Variants in NAT16 observed in about 807,000 individuals in gnomAD.
NAT16 encodes the protein probable N-acetyltransferase 16.
Under a neutral mutation model 15.9 loss-of-function variants are expected in NAT16, and 16 were observed. The ratio of observed to expected loss-of-function variants is 1.01; its 90% CI spans 0.68 to 1.53. The LOEUF is 1.53. Among genes scored for constraint, NAT16 ranks in the 40% most tolerant of loss-of-function variants. NAT16 has a pLI of 0.00. For synonymous variants in NAT16, 260 were observed against 241.9 expected, an observed-to-expected ratio of 1.07 and a Z score of -0.69; for missense variants, 572 against 508.4, an observed-to-expected ratio of 1.13 and a Z score of -1.20.
chr7:101,176,465 C>T (rs1164542664), intron 1 of NAT16, among the ~76,000 whole-genome samples: 1 of 148,262 alleles, frequency 6.7e-6, no homozygotes, highest in African/African-American at 2.5e-5. Context: ...TGAGCCACTG[C>T]ACTCCAGCCT....
At chr7:101,173,068 C>T (rs533230842) in intron 3 of NAT16, among the ~76,000 whole-genome samples, 4 of 152,152 alleles carry the variant, frequency 2.6e-5, no homozygotes, top group South Asian at 4.1e-4. Flanking sequence ...GCAGGGTCCC[C>T]GAAGTTGGGA....
Position 101,174,305 on chromosome 7 carries a change from C to G in NAT16, c.312+191G>C, listed in dbSNP as rs1054472004. The stretch of plus-strand genomic sequence containing the variant: ...CTCTGGTTCCTCTGCTTTAGGAGTC[C>G]TCCACCCCACCCTCACTGACATAGC... On this transcript the variant is annotated intron_variant, in intron 2 of 3. Coordinates refer to ENST00000300303, the MANE Select transcript of NAT16 (RefSeq NM_198571.3). The G allele has an allele frequency of 1.8e-5, 13 of 718,182 alleles. No homozygotes were observed. The African/African-American group carries it at 2.1e-4, about 12-fold the overall frequency. The allele number at this position is 718,182 out of a possible 1,614,324, so 44.5% of individuals were successfully genotyped here.
rs756878719 is a variant in NAT16, at chr7:101,173,534, C to A, written c.313-14G>T. The A allele has an allele frequency of 1.3e-6, 2 of 1,560,640 alleles. No individual in the cohort carries two copies. The highest frequency in any genetic ancestry group is 1.2e-5 in the South Asian group (1 of 85,036). The stretch of plus-strand genomic sequence containing the variant: ...CTCCAGCGCGATCTGCGGACCGAGG[C>A]CGTTAGCGCGGGGCCCTCCCCGCCT... On this transcript the variant is annotated splice_polypyrimidine_tract_variant and intron_variant, in intron 2 of 3. Transcript: ENST00000300303.
At position 101,173,427 on chromosome 7, in the gene NAT16, C is replaced by T; in HGVS notation, c.406G>A (p.Ala136Thr). Residue 136 changes from alanine to threonine, a missense_variant, in exon 3 of 4, where the codon GCC (alanine) becomes ACC (threonine). By Grantham distance (58) the Ala-to-Thr change is moderately conservative. Coordinates refer to ENST00000300303, the MANE Select transcript of NAT16 (RefSeq NM_198571.3). Reference protein sequence around the residue: ...VAPWERGKGVAGLLQRFCSQL... With the variant: ...VAPWERGKGVTGLLQRFCSQL... ...GAGCAGAAGCGCTGCAGCAGCCCGG[C>T]CACGCCCTTCCCGCGCTCCCAGGGC... 6.2e-7 allele frequency: 1 copy of T among 1,612,924 alleles called. No individual in the cohort carries two copies. The highest frequency in any genetic ancestry group is 8.5e-7 in the Non-Finnish European group (1 of 1,179,384).
chr7:101,173,313 G>A lies in NAT16; in HGVS notation c.520C>T (p.Arg174Cys), dbSNP rs1416886618. ...QLGPRELKKY[R>C]LITKQGILLV... Reference sequence around the variant, plus strand: ...CTTCTCACCTGCTTGGTGATTAGGCGGTATTTCTTCAGCTCCCGGGGGCCC... The same window carrying A: ...CTTCTCACCTGCTTGGTGATTAGGCAGTATTTCTTCAGCTCCCGGGGGCCC... Residue 174 changes from arginine (R) to cysteine (C), a missense_variant, in exon 3 of 4, where the codon CGC becomes TGC. Physicochemically the swap from Arg to Cys is radical, Grantham distance 180. Coordinates refer to ENST00000300303, the MANE Select transcript of NAT16 (RefSeq NM_198571.3). The A allele has an allele frequency of 1.2e-6, 2 of 1,613,770 alleles. No homozygotes were observed. The highest frequency in any genetic ancestry group is 1.7e-5 in the Admixed American group (1 of 59,988).
chr7:101,176,292 C>T (rs762396540), intron 1 of NAT16, among the ~76,000 whole-genome samples: 3 of 152,102 alleles, frequency 2.0e-5, no homozygotes, highest in Admixed American at 6.5e-5. Context: ...GTCAGGAGTT[C>T]GAGACCAGCC....
chr7:101,172,128 T>A lies in NAT16; in HGVS notation c.1061A>T (p.Glu354Val). The change falls in exon 4 of 4, where the codon GAG becomes GTG. Residue 354 changes from glutamate to valine, a missense_variant. Physicochemically the swap from Glu to Val is moderately radical, Grantham distance 121. Coordinates refer to ENST00000300303, the MANE Select transcript of NAT16 (RefSeq NM_198571.3). The surrounding 1 kb of genome is among the most constrained non-coding windows in gnomAD (Gnocchi z 4.2). ...ADFCQVGLGLELVKGYTEQYL... is the reference protein window; with the variant it reads ...ADFCQVGLGLVLVKGYTEQYL... Reference sequence around the variant, plus strand: ...CTGTTCAGTATAACCCTTCACCAGCTCCAGTCCCAGCCCGACCTGGCAGAA... The same window carrying A: ...CTGTTCAGTATAACCCTTCACCAGCACCAGTCCCAGCCCGACCTGGCAGAA... The A allele has an allele frequency of 6.2e-7, 1 of 1,613,896 alleles. No homozygotes were observed. The highest frequency in any genetic ancestry group is 8.5e-7 in the Non-Finnish European group (1 of 1,179,944).
rs185419382 is a variant in NAT16 at position 101,174,360 on chromosome 7, T to C, written c.312+136A>G. The C allele has an allele frequency of 6.1e-4, 738 of 1,202,162 alleles. 4 individuals are homozygous for C. In the East Asian group the frequency reaches 0.017, roughly 27 times the overall value. The allele number at this position is 1,202,162 out of a possible 1,614,324, so 74.5% of individuals were successfully genotyped here. A position where few individuals can be genotyped will look rare whatever the true frequency, so the allele number is the denominator to read the frequency against. ...GGATCCGCACTGCACGCCCTGCACT[T>C]TGGTCCCAAAGCAGGCTCTATTTCC... On this transcript the variant is annotated intron_variant, in intron 2 of 3. Transcript: ENST00000300303.
At chr7:101,173,547 G>A in intron 2 of NAT16, 27 bp from the exon 3 acceptor site, 1 of 1,523,948 alleles carries the variant, frequency 6.6e-7, no homozygotes, top group Non-Finnish European at 8.8e-7. Flanking sequence ...TTAGCGCGGG[G>A]CCCTCCCCGC....
At chr7:101,178,392 C>G (rs1797512094) in intron 1 of NAT16, among the ~76,000 whole-genome samples, 1 of 152,124 alleles carries the variant, frequency 6.6e-6, no homozygotes, top group African/African-American at 2.4e-5. Flanking sequence ...TGTGGGCTAG[C>G]CTGTAACCCT....
At chr7:101,174,330 C>G in intron 2 of NAT16, 166 bp downstream of exon 2, 1 of 869,674 alleles carries the variant, frequency 1.1e-6, no homozygotes, top group Non-Finnish European at 1.7e-6. Flanking sequence ...ACTGACATAG[C>G]CCCTGGATCC....
chr7:101,172,065 C>A lies in NAT16; in HGVS notation c.*14G>T. On this transcript the variant is annotated 3_prime_UTR_variant, in exon 4 of 4. Coordinates refer to ENST00000300303, the MANE Select transcript of NAT16 (RefSeq NM_198571.3). This position sits in a 1 kb window ranked among gnomAD's most constrained non-coding sequence, Gnocchi z 4.2. ...GGGCGGGTCTTTTTCCCCCTCCCCG[C>A]CAGAGGAGAGGCCTCAGATGTCGGC... 6.3e-7 allele frequency: 1 copy of A among 1,583,606 alleles called. No individual in the cohort carries two copies.
intron 2 of NAT16, 72 bp from the exon 3 acceptor site, chr7:101,173,592 T>A: frequency 7.5e-7 from 1 of 1,341,214 alleles, no homozygotes; most frequent in Non-Finnish European, 1.0e-6. Flanking sequence ...TTCACTGGGC[T>A]CTCCTCTTCC....
At position 101,174,763 on chromosome 7, in the gene NAT16, A is replaced by C; in HGVS notation, c.45T>G (p.Pro15=). The change falls in exon 2 of 4, where the codon CCT becomes CCG. Residue 15 remains proline, a synonymous_variant. Coordinates refer to ENST00000300303, the MANE Select transcript of NAT16 (RefSeq NM_198571.3). ...ASCGTATSEV[P]KPEKKTARDA... is the part of the protein sequence containing the mutation. ...CTCGGGCAGTCTTCTTTTCCGGCTT[A>C]GGGACCTCTGAGGTGGCTGTGCCAC... is the stretch of plus-strand genomic sequence containing the variant. 1 of 1,600,638 alleles carries C rather than the reference A, an allele frequency of 6.2e-7. No individual in the cohort carries two copies.
At position 101,172,396 on chromosome 7, in the gene NAT16, C is replaced by G; in HGVS notation, c.793G>C (p.Glu265Gln). 6.4e-7 allele frequency: 1 copy of G among 1,574,622 alleles called. No individual in the cohort carries two copies. The highest frequency in any genetic ancestry group is 8.6e-7 in the Non-Finnish European group (1 of 1,162,892). The change falls in exon 4 of 4, where the codon GAG becomes CAG. Residue 265 changes from glutamate to glutamine, a missense_variant. Transcript: ENST00000300303. The surrounding 1 kb of genome is among the most constrained non-coding windows in gnomAD (Gnocchi z 4.2). The stretch of plus-strand genomic sequence containing the variant: ...CGCGCGCGGCTGTCCACGCGCCACT[C>G]CAGGCCCTTGGCCGCCAGCAGGCGC... ...NLRLLAAKGLEWRVDSRARPR... is the reference protein window; with the variant it reads ...NLRLLAAKGLQWRVDSRARPR...
In NAT16 at chr7:101,174,682, C is replaced by T. The variant is rs1407507806; in HGVS notation, c.126G>A (p.Ser42=). The change falls in exon 2 of 4, where the codon TCG becomes TCA. Residue 42 remains serine (S), a synonymous_variant. Transcript: ENST00000300303. ...CGGCCTCAGCCTCAGGCCCCGATCCCGACCTGGGCTCGGCCTCCACCTCCT... is the reference window on the plus strand; with the variant it reads ...CGGCCTCAGCCTCAGGCCCCGATCCTGACCTGGGCTCGGCCTCCACCTCCT... ...RPQEVEAEPR[S]GSGPEAEAEP... 8.1e-6 allele frequency: 13 copies of T among 1,613,916 alleles called. No homozygotes were observed. Among genetic ancestry groups the T allele is most frequent in the African/African-American group, 4.0e-5 (3 of 75,054 alleles).
chr7:101,172,038 G>A lies in NAT16; in HGVS notation c.*41C>T, dbSNP rs1797333084. 2 of 1,401,288 alleles carry A rather than the reference G, an allele frequency of 1.4e-6. No individual in the cohort carries two copies. Among genetic ancestry groups the A allele is most frequent in the South Asian group, 1.2e-5 (1 of 82,114 alleles). 86.8% of individuals were successfully genotyped at this position (1,401,288 alleles called of 1,614,324 possible). A position where few individuals can be genotyped will look rare whatever the true frequency, so the allele number is the denominator to read the frequency against. On this transcript the variant is annotated 3_prime_UTR_variant, in exon 4 of 4. Coordinates refer to ENST00000300303, the MANE Select transcript of NAT16 (RefSeq NM_198571.3). The surrounding 1 kb of genome is among the most constrained non-coding windows in gnomAD (Gnocchi z 4.2). ...GAGGCTGGCTGGGGAAACTGCGGAA[G>A]GGGGCGGGTCTTTTTCCCCCTCCCC...
rs1005253074 is a variant in NAT16 at position 101,180,255 on chromosome 7, G to A, written c.-218C>T. The A allele has an allele frequency of 2.6e-5, 4 of 152,248 alleles. No individual in the cohort carries two copies. The highest frequency in any genetic ancestry group is 7.2e-5 in the African/African-American group (3 of 41,458). The allele number at this position is 152,248 out of a possible 1,614,324, so 9.4% of individuals were successfully genotyped here. A position where few individuals can be genotyped will look rare whatever the true frequency, so the allele number is the denominator to read the frequency against. On this transcript the variant is annotated 5_prime_UTR_variant, in exon 1 of 4. Transcript: ENST00000300303. ...AGCGCCGCAGCTCCGTTGGCGACGCGGGCCGGGGCGCCCATCGGTTCAGGG... is the reference window on the plus strand; with the variant it reads ...AGCGCCGCAGCTCCGTTGGCGACGCAGGCCGGGGCGCCCATCGGTTCAGGG...
At chr7:101,173,224 TGGGGGTG>T in intron 3 of NAT16, 65 bp downstream of exon 3, 1 of 1,350,358 alleles carries the variant, frequency 7.4e-7, no homozygotes, top group Non-Finnish European at 1.1e-6. Flanking sequence ...CGTGTTCTGC[TGGGGGTG>T]GGGAGGGTCT....
Sources: allele counts gnomAD v4.1 joint callset (sites outside exome capture counted in the v4.1 genomes callset), GRCh38; gene constraint gnomAD v4.1.1; non-coding constraint Gnocchi (gnomAD v3.1); transcripts MANE v1.5; gene names NCBI Gene and HGNC (gene_info 2026-07-23, HGNC 2026-07-21).